STK32C: variants seen among roughly 807,000 people sequenced by gnomAD.
STK32C encodes the protein serine/threonine-protein kinase 32C.
STK32C carries 31 observed loss-of-function variants against 56.5 expected under a neutral mutation model. The ratio of observed to expected loss-of-function variants is 0.55; its 90% CI spans 0.41 to 0.74. The LOEUF is 0.74. Among genes scored for constraint, STK32C ranks in the 30% least tolerant of loss-of-function variants. The probability of loss-of-function intolerance (pLI) is 0.00; values close to 1 mark genes in which losing one functional copy is unlikely to be tolerated. For missense variants in STK32C, 544 were observed against 676.9 expected (o/e 0.80, Z 2.18); for synonymous variants, 309 against 289.4 (o/e 1.07, Z -0.69).
chr10:132,259,334 C>T (rs1565120155), intron 1 of STK32C, among the ~76,000 whole-genome samples: 1 of 152,220 alleles, frequency 6.6e-6, no homozygotes, highest in East Asian at 1.9e-4. Flanking sequence ...TATGTCCCCA[C>T]CCAAATCTCA....
rs144723093 is a variant in STK32C, at chr10:132,283,383, G to A, written c.262+24189C>T. Reference sequence around the variant, plus strand: ...GTGAAGGCGTTGGCAGAACGCAGACGAGGCTGCGAAGGTCCAGCGGCAGCC... The same window carrying A: ...GTGAAGGCGTTGGCAGAACGCAGACAAGGCTGCGAAGGTCCAGCGGCAGCC... On this transcript the variant is annotated intron_variant, in intron 1 of 11. Coordinates refer to ENST00000298630, the MANE Select transcript of STK32C (RefSeq NM_173575.4). 4.7e-3 allele frequency among the ~76,000 whole-genome samples: 709 copies of A among 152,360 alleles called. 9 individuals carry two copies. The highest frequency in any genetic ancestry group is 0.015 in the African/African-American group (627 of 41,582).
Position 132,209,085 on chromosome 10 carries a change from T to C in STK32C, c.1268A>G (p.Gln423Arg), listed in dbSNP as rs536088264. The change falls in exon 11 of 12, where the codon CAA (glutamine) becomes CGA (arginine). Residue 423 changes from glutamine to arginine, a missense_variant. By Grantham distance (43) the Gln-to-Arg change is conservative. Coordinates refer to ENST00000298630, the MANE Select transcript of STK32C (RefSeq NM_173575.4). Reference sequence around the variant, plus strand: ...TTGCTGGATGGCATCGAGGCAGTCTTGAAGATAGTCATTCTCCTGTGGATG... The same window carrying C: ...TTGCTGGATGGCATCGAGGCAGTCTCGAAGATAGTCATTCTCCTGTGGATG... ...DSSQSENDYL[Q>R]DCLDAIQQDF... 1.9e-6 allele frequency: 3 copies of C among 1,613,906 alleles called. No homozygotes were observed. The highest frequency in any genetic ancestry group is 2.5e-6 in the Non-Finnish European group (3 of 1,180,008).
intron 1 of STK32C, among the ~76,000 whole-genome samples, chr10:132,293,489 G>A (rs2065634787): frequency 6.6e-6 from 1 of 152,260 alleles, no homozygotes. Flanking sequence ...AGGGCAGGCG[G>A]CAGAATGAAG....
At chr10:132,301,996 G>T (rs1294669942) in intron 1 of STK32C, among the ~76,000 whole-genome samples, 1 of 152,220 alleles carries the variant, frequency 6.6e-6, no homozygotes, top group Non-Finnish European at 1.5e-5. Context: ...CACCGCCTGG[G>T]GCCGGCTGGA....
intron 10 of STK32C, among the ~76,000 whole-genome samples, chr10:132,216,784 A>G (rs998235539): frequency 6.6e-6 from 1 of 152,248 alleles, no homozygotes; most frequent in African/African-American, 2.4e-5. Flanking sequence ...TACAAGCCCC[A>G]AGCTGTGGCA....
At chr10:132,281,720 C>T (rs2065213143) in intron 1 of STK32C, among the ~76,000 whole-genome samples, 4 of 152,188 alleles carry the variant, frequency 2.6e-5, no homozygotes, top group Admixed American at 2.6e-4. Context: ...TGTGCAGGTC[C>T]CCGGGAGACG....
chr10:132,223,935 C>A (rs938470580), intron 8 of STK32C, among the ~76,000 whole-genome samples: 2 of 152,224 alleles, frequency 1.3e-5, no homozygotes, highest in Non-Finnish European at 2.9e-5. Flanking sequence ...CGTGTCCCTG[C>A]CAGGCTGATG....
intron 2 of STK32C, among the ~76,000 whole-genome samples, chr10:132,245,448 G>A (rs560195208): frequency 1.3e-5 from 2 of 152,372 alleles, no homozygotes; most frequent in South Asian, 2.1e-4. Flanking sequence ...AACGGGCTCC[G>A]TCCAGGCCGG....
intron 1 of STK32C, chr10:132,249,179 G>A: frequency 2.7e-6 from 1 of 374,092 alleles, no homozygotes; most frequent in Non-Finnish European, 5.4e-6. Flanking sequence ...GGCTATGGGG[G>A]TCAGGGCGTG....
At chr10:132,252,687 C>A (rs1364018493) in intron 1 of STK32C, among the ~76,000 whole-genome samples, 1 of 152,252 alleles carries the variant, frequency 6.6e-6, no homozygotes, top group African/African-American at 2.4e-5. Flanking sequence ...CAGCACCTGC[C>A]CTCATTGTGC....
At chr10:132,273,213 G>C (rs1437465529) in intron 1 of STK32C, among the ~76,000 whole-genome samples, 3 of 152,124 alleles carry the variant, frequency 2.0e-5, no homozygotes, top group African/African-American at 7.2e-5. Context: ...CGGGGCATCT[G>C]ATAGAGCTTT....
chr10:132,307,854 G>T lies in STK32C; in HGVS notation c.-21C>A. On this transcript the variant is annotated 5_prime_UTR_variant, in exon 1 of 12. Coordinates refer to ENST00000298630, the MANE Select transcript of STK32C (RefSeq NM_173575.4). This position sits in a 1 kb window ranked among gnomAD's most constrained non-coding sequence, Gnocchi z 4.4. ...CTCATCGCCGGGTCTGGGTGCGCGC[G>T]GCAGCCGGAACTCGGGGCATGGCCG... The T allele has an allele frequency of 8.7e-7, 1 of 1,145,000 alleles. No homozygotes were observed. The highest frequency in any genetic ancestry group is 1.1e-6 in the Non-Finnish European group (1 of 925,530). The allele number at this position is 1,145,000 out of a possible 1,614,324, so 70.9% of individuals were successfully genotyped here. A position where few individuals can be genotyped will look rare whatever the true frequency, so the allele number is the denominator to read the frequency against.
chr10:132,210,115 G>A (rs756085906), intron 10 of STK32C, among the ~76,000 whole-genome samples: 11 of 152,294 alleles, frequency 7.2e-5, no homozygotes, highest in Non-Finnish European at 1.5e-4. Context: ...GGCCAGTGAC[G>A]GAAGCATCGT....
intron 2 of STK32C, among the ~76,000 whole-genome samples, chr10:132,230,898 G>A (rs1316021953): frequency 2.0e-5 from 3 of 152,192 alleles, no homozygotes; most frequent in Admixed American, 6.5e-5. Flanking sequence ...GGAAGAACAC[G>A]CCTTCCCTTG....
chr10:132,306,071 T>C (rs748203288), intron 1 of STK32C, among the ~76,000 whole-genome samples: 1 of 152,182 alleles, frequency 6.6e-6, no homozygotes, highest in Non-Finnish European at 1.5e-5. Context: ...TAGTGATCCT[T>C]GAATTCTGTG....
intron 2 of STK32C, among the ~76,000 whole-genome samples, chr10:132,232,314 T>C (rs568377515): frequency 1.5e-4 from 23 of 152,244 alleles, no homozygotes; most frequent in African/African-American, 5.1e-4. Context: ...TTTGATTAAG[T>C]CAATCACATC....
At chr10:132,248,923 A>C (rs1401382136) in intron 1 of STK32C, 5 of 456,176 alleles carry the variant, frequency 1.1e-5, no homozygotes, top group Non-Finnish European at 2.2e-5. Context: ...CAAGTTCCCA[A>C]GGTTAGTCCC....
At chr10:132,302,627 G>A (rs2065943145) in intron 1 of STK32C, among the ~76,000 whole-genome samples, 1 of 152,146 alleles carries the variant, frequency 6.6e-6, no homozygotes, top group Non-Finnish European at 1.5e-5. Context: ...ATGGGTGTCT[G>A]GGCCACACAG....
At chr10:132,243,337 C>A (rs1290749353) in intron 2 of STK32C, among the ~76,000 whole-genome samples, 6 of 152,176 alleles carry the variant, frequency 3.9e-5, no homozygotes, top group African/African-American at 1.4e-4. Flanking sequence ...CCCGGCTGGA[C>A]GCTGAGGAGG....
Sources: gnomAD v4.1 joint callset for allele counts (sites outside exome capture counted in the v4.1 genomes callset) on GRCh38, gnomAD v4.1.1 for gene constraint, Gnocchi (gnomAD v3.1) non-coding constraint, MANE v1.5 for transcripts, NCBI Gene and HGNC (gene_info 2026-07-23, HGNC 2026-07-21) for gene names.